The following MPDZ variants were observed in gnomAD, a reference collection of about 807,000 sequenced individuals.
The protein encoded by MPDZ is multiple PDZ domain protein.
A neutral mutation model predicts 239.1 loss-of-function variants in MPDZ; 234 were observed. The observed-to-expected ratio is 0.98, with a 90% CI of 0.88 to 1.09. The LOEUF is 1.09. Ranked by LOEUF, MPDZ falls within the 50% of genes least tolerant of loss-of-function variation. The pLI, the probability that MPDZ is intolerant of heterozygous loss-of-function variation, is 0.00. For synonymous variants in MPDZ, 1,048 were observed against 881.3 expected, an observed-to-expected ratio of 1.19 and a Z score of -3.35; for missense variants, 3,175 against 2,510.0, an observed-to-expected ratio of 1.26 and a Z score of -5.66.
intron 3 of MPDZ, among the ~76,000 whole-genome samples, chr9:13,232,540 A>C (rs1423785161): frequency 6.6e-6 from 1 of 152,064 alleles, no homozygotes; most frequent in African/African-American, 2.4e-5. Context: ...CACATTCAAA[A>C]TTTAAAAGGT....
intron 12 of MPDZ, among the ~76,000 whole-genome samples, chr9:13,196,566 G>A (rs1254969863): frequency 6.6e-6 from 1 of 152,096 alleles, no homozygotes; most frequent in Non-Finnish European, 1.5e-5. Flanking sequence ...AGTAAAAAGG[G>A]ATGTCGTCTT....
chr9:13,252,420 G>C (rs1385233576), intron 1 of MPDZ, among the ~76,000 whole-genome samples: 2 of 151,894 alleles, frequency 1.3e-5, no homozygotes, highest in African/African-American at 2.4e-5. Context: ...ACAAAAATTA[G>C]CTGGGTGTGG....
chr9:13,227,976 T>C (rs1157001967), intron 3 of MPDZ, among the ~76,000 whole-genome samples: 2 of 152,156 alleles, frequency 1.3e-5, no homozygotes, highest in East Asian at 3.8e-4. Context: ...AATGGCTTTC[T>C]GAACTATAAT....
intron 19 of MPDZ, among the ~76,000 whole-genome samples, chr9:13,181,833 T>C (rs1953378817): frequency 6.6e-6 from 1 of 152,162 alleles, no homozygotes; most frequent in Admixed American, 6.6e-5. Flanking sequence ...ACGTGTGCTA[T>C]GCTGTGGATT....
At chr9:13,181,541 A>T (rs184690734) in intron 19 of MPDZ, among the ~76,000 whole-genome samples, 8 of 152,182 alleles carry the variant, frequency 5.3e-5, no homozygotes, top group Admixed American at 4.6e-4. Context: ...AATGTGTTTT[A>T]AAACACCCTC....
intron 3 of MPDZ, among the ~76,000 whole-genome samples, chr9:13,243,411 T>G (rs1056596890): frequency 1.3e-5 from 2 of 151,726 alleles, no homozygotes; most frequent in African/African-American, 4.8e-5. Context: ...AATGACATAC[T>G]CAATTTTAGT....
At chr9:13,229,192 G>C (rs1961609957) in intron 3 of MPDZ, among the ~76,000 whole-genome samples, 1 of 151,954 alleles carries the variant, frequency 6.6e-6, no homozygotes, top group Non-Finnish European at 1.5e-5. Context: ...TATAAAAGCT[G>C]TTAAAAACAA....
chr9:13,230,641 T>G (rs1241709252), intron 3 of MPDZ, among the ~76,000 whole-genome samples: 3 of 152,166 alleles, frequency 2.0e-5, no homozygotes, highest in African/African-American at 7.2e-5. Context: ...TAAATATGAC[T>G]ATAAAAGAAT....
chr9:13,231,848 T>C (rs1042133214), intron 3 of MPDZ, among the ~76,000 whole-genome samples: 7 of 152,096 alleles, frequency 4.6e-5, no homozygotes, highest in African/African-American at 1.7e-4. Flanking sequence ...TAAATGAGAA[T>C]GTTAACAACT....
chr9:13,264,411 A>G lies in MPDZ; in HGVS notation c.-57-14039T>C, dbSNP rs1321297166. Among the ~76,000 whole-genome samples, 10 of 152,250 alleles carry G rather than the reference A, an allele frequency of 6.6e-5. No homozygotes were observed. The Middle Eastern group carries it at 0.027, about 414-fold the overall frequency. On this transcript the variant is annotated intron_variant, in intron 1 of 46. Coordinates refer to ENST00000319217, the MANE Select transcript of MPDZ (RefSeq NM_001378778.1). ...TTATTTACTGCTTACGCTCGACTAT[A>G]AAGTTAATTTTAAAGTTGAAAGGAG...
Position 13,106,744 on chromosome 9 carries a change from C to T in MPDZ, c.*221G>A. Reference sequence around the variant, plus strand: ...ACGAGATTCACCTACACAAATATTCCTTCTCTTTAAGTTCACAAAATGCAA... The same window carrying T: ...ACGAGATTCACCTACACAAATATTCTTTCTCTTTAAGTTCACAAAATGCAA... On this transcript the variant is annotated 3_prime_UTR_variant, in exon 47 of 47. Coordinates refer to ENST00000319217, the MANE Select transcript of MPDZ (RefSeq NM_001378778.1). The T allele has an allele frequency of 2.0e-6, 1 of 490,876 alleles. No individual in the cohort carries two copies. Among genetic ancestry groups the T allele is most frequent in the South Asian group, 4.1e-5 (1 of 24,132 alleles). 30.4% of individuals were successfully genotyped at this position (490,876 alleles called of 1,614,324 possible).
intron 21 of MPDZ, among the ~76,000 whole-genome samples, chr9:13,171,411 T>C (rs12351444): frequency 0.66 from 99,565 of 151,910 alleles, 33,468 homozygotes; most frequent in Middle Eastern, 0.76. Flanking sequence ...AAATCAGAGA[T>C]AGACAGGCTT....
intron 1 of MPDZ, among the ~76,000 whole-genome samples, chr9:13,269,519 T>A (rs1972507640): frequency 6.6e-6 from 1 of 152,102 alleles, no homozygotes; most frequent in Non-Finnish European, 1.5e-5. Context: ...AGGAGCATAT[T>A]ATCTAAAAAA....
chr9:13,112,336 G>C (rs898282911), intron 42 of MPDZ, among the ~76,000 whole-genome samples, 190 bp from the exon 43 acceptor site: 74 of 152,298 alleles, frequency 4.9e-4, no homozygotes, highest in African/African-American at 1.8e-3. Flanking sequence ...ATAAGCATCT[G>C]TTCAGGAAGT....
At chr9:13,122,017 A>G in intron 37 of MPDZ, 70 bp downstream of exon 37, 1 of 1,601,822 alleles carries the variant, frequency 6.2e-7, no homozygotes. Flanking sequence ...GAAAGAAGCA[A>G]AGAAAGAAAC....
At chr9:13,235,137 C>T (rs1963600121) in intron 3 of MPDZ, among the ~76,000 whole-genome samples, 1 of 152,078 alleles carries the variant, frequency 6.6e-6, no homozygotes, top group Non-Finnish European at 1.5e-5. Flanking sequence ...AACCCTTGCA[C>T]AGTAATTGAT....
Position 13,123,133 on chromosome 9 carries a change from C to A in MPDZ, c.4953+20G>T, listed in dbSNP as rs769925985. The stretch of plus-strand genomic sequence containing the variant: ...GGCTGAAGGACGGCCTGTACAGAAG[C>A]ACCTCTGGGTGGTGCTCACCAGCAG... On this transcript the variant is annotated intron_variant, in intron 36 of 46. Coordinates refer to ENST00000319217, the MANE Select transcript of MPDZ (RefSeq NM_001378778.1). 1.3e-5 allele frequency: 21 copies of A among 1,598,950 alleles called. No individual in the cohort carries two copies. Among genetic ancestry groups the A allele is most frequent in the Non-Finnish European group, 1.7e-5 (20 of 1,171,550 alleles).
chr9:13,261,238 C>T (rs935573052), intron 1 of MPDZ, among the ~76,000 whole-genome samples: 1 of 152,104 alleles, frequency 6.6e-6, no homozygotes, highest in African/African-American at 2.4e-5. Flanking sequence ...ATACAGCCGA[C>T]ATTAAGAGAG....
chr9:13,155,848 A>G (rs1175924833), intron 24 of MPDZ, among the ~76,000 whole-genome samples: 3 of 152,158 alleles, frequency 2.0e-5, no homozygotes, highest in Non-Finnish European at 2.9e-5. Context: ...AGCTTAGTGA[A>G]TCTAGGAGAA....
Sources: allele counts gnomAD v4.1 joint callset (sites outside exome capture counted in the v4.1 genomes callset), GRCh38; gene constraint gnomAD v4.1.1; transcripts MANE v1.5; gene names NCBI Gene and HGNC (gene_info 2026-07-23, HGNC 2026-07-21).